MAF: variants seen among roughly 807,000 people sequenced by gnomAD.
The protein encoded by MAF is MAF bZIP transcription factor.
Under a neutral mutation model 22.0 loss-of-function variants are expected in MAF, and 10 were observed. The ratio of observed to expected loss-of-function variants is 0.45; its 90% CI spans 0.28 to 0.77. MAF has a LOEUF of 0.77. MAF is among the 30% of genes least tolerant of loss of function. MAF has a pLI of 0.12. For missense variants in MAF, 544 were observed against 548.4 expected (o/e 0.99, Z 0.08); for synonymous variants, 337 against 255.8 (o/e 1.32, Z -3.03).
At chr16:79,330,944 C>T in the MAF span, among the ~76,000 whole-genome samples, 1 of 152,160 alleles carries the variant, frequency 6.6e-6, no homozygotes, top group Admixed American at 6.6e-5. Context: ...ATATTGCAAA[C>T]CCCGGACATG....
chr16:79,268,585 G>C, the MAF span, among the ~76,000 whole-genome samples: 11 of 152,194 alleles, frequency 7.2e-5, no homozygotes, highest in Non-Finnish European at 1.2e-4. Flanking sequence ...TGCAACAACA[G>C]ACATAGAGTT....
chr16:79,448,879 G>C, the MAF span, among the ~76,000 whole-genome samples: 2 of 152,128 alleles, frequency 1.3e-5, no homozygotes, highest in East Asian at 1.9e-4. Flanking sequence ...CCCAGACCTT[G>C]GGGGGAGGCA....
At chr16:79,290,897 G>A in the MAF span, among the ~76,000 whole-genome samples, 2 of 151,918 alleles carry the variant, frequency 1.3e-5, no homozygotes, top group Admixed American at 6.6e-5. Flanking sequence ...CCCCAAAATG[G>A]CCTCAACCAG....
At chr16:79,400,084 A>C in the MAF span, among the ~76,000 whole-genome samples, 1 of 152,336 alleles carries the variant, frequency 6.6e-6, no homozygotes, top group South Asian at 2.1e-4. Context: ...GACAATATCT[A>C]GAGACATTTT....
At chr16:79,414,597 A>G in the MAF span, among the ~76,000 whole-genome samples, 1 of 152,216 alleles carries the variant, frequency 6.6e-6, no homozygotes, top group African/African-American at 2.4e-5. Flanking sequence ...TATCCAAACT[A>G]TATCAGTGGG....
chr16:79,550,368 C>A, the MAF span, among the ~76,000 whole-genome samples: 1 of 151,936 alleles, frequency 6.6e-6, no homozygotes, highest in African/African-American at 2.4e-5. Flanking sequence ...GACAGACACA[C>A]CCCTAAAGAC....
the MAF span, among the ~76,000 whole-genome samples, chr16:79,526,325 T>C: frequency 6.6e-6 from 1 of 152,186 alleles, no homozygotes; most frequent in Non-Finnish European, 1.5e-5. Context: ...ATTCCTCACA[T>C]GCACAGCTCA....
At chr16:79,356,580 A>G in the MAF span, among the ~76,000 whole-genome samples, 2 of 152,026 alleles carry the variant, frequency 1.3e-5, no homozygotes, top group East Asian at 3.9e-4. Context: ...GTCTCTGAGC[A>G]TGCTCTCCTG....
At chr16:79,283,466 C>T in the MAF span, among the ~76,000 whole-genome samples, 3 of 152,206 alleles carry the variant, frequency 2.0e-5, no homozygotes, top group Non-Finnish European at 2.9e-5. Context: ...AAAAGATCCT[C>T]AAATGCTTAA....
the MAF span, among the ~76,000 whole-genome samples, chr16:79,556,414 TAGAA>T: frequency 6.6e-6 from 1 of 152,182 alleles, no homozygotes; most frequent in African/African-American, 2.4e-5. Context: ...ATGTTGACTG[TAGAA>T]AGAGAGTTGT....
the MAF span, among the ~76,000 whole-genome samples, chr16:79,215,438 G>A: frequency 2.0e-5 from 3 of 152,160 alleles, no homozygotes; most frequent in East Asian, 3.9e-4. Context: ...TCAAGCATTT[G>A]GTGGAAGTGA....
chr16:79,448,082 C>T, the MAF span, among the ~76,000 whole-genome samples: 2 of 152,062 alleles, frequency 1.3e-5, no homozygotes, highest in African/African-American at 4.8e-5. Flanking sequence ...ATATTCCATA[C>T]ACTTAGTTGA....
the MAF span, among the ~76,000 whole-genome samples, chr16:79,528,213 C>T: frequency 2.0e-5 from 3 of 152,320 alleles, no homozygotes; most frequent in East Asian, 3.9e-4. Context: ...AGAGCTTCTT[C>T]TGCCCTCTTT....
the MAF span, among the ~76,000 whole-genome samples, chr16:79,362,226 G>A: frequency 2.6e-5 from 4 of 152,302 alleles, no homozygotes; most frequent in East Asian, 7.7e-4. Context: ...AACATAGTCA[G>A]TGCACATAAA....
At chr16:79,334,865 G>A in the MAF span, among the ~76,000 whole-genome samples, 1 of 124,006 alleles carries the variant, frequency 8.1e-6, no homozygotes, top group African/African-American at 3.5e-5. Context: ...GTGTGTGTAT[G>A]TGTGTGTGTG....
the MAF span, among the ~76,000 whole-genome samples, chr16:79,297,624 C>T: frequency 6.6e-6 from 1 of 152,192 alleles, no homozygotes; most frequent in Non-Finnish European, 1.5e-5. Context: ...CGCGATGATA[C>T]AGAAAAGTAC....
chr16:79,277,544 A>G, the MAF span, among the ~76,000 whole-genome samples: 1 of 152,198 alleles, frequency 6.6e-6, no homozygotes. Context: ...TTATTATCTC[A>G]TTTAACTCTC....
At chr16:79,233,397 C>A in the MAF span, among the ~76,000 whole-genome samples, 4 of 152,086 alleles carry the variant, frequency 2.6e-5, no homozygotes, top group Admixed American at 2.6e-4. Flanking sequence ...CAGGTGGTAA[C>A]ATTACACTGG....
the MAF span, among the ~76,000 whole-genome samples, chr16:79,313,580 T>C: frequency 2.0e-5 from 3 of 152,230 alleles, no homozygotes; most frequent in Non-Finnish European, 4.4e-5. Flanking sequence ...CCCCTGTCTC[T>C]GTCTTCCTTG....
Sources: allele counts gnomAD v4.1 joint callset (sites outside exome capture counted in the v4.1 genomes callset), GRCh38; gene constraint gnomAD v4.1.1; transcripts MANE v1.5; gene names NCBI Gene and HGNC (gene_info 2026-07-23, HGNC 2026-07-21).